The following PLCXD3 variants were observed in gnomAD, a reference collection of about 807,000 sequenced individuals.
The protein encoded by PLCXD3 is phosphatidylinositol specific phospholipase C X domain containing 3, also known as PI-PLC X domain-containing protein 3.
A neutral mutation model predicts 25.5 loss-of-function variants in PLCXD3; 19 were observed. The ratio of observed to expected loss-of-function variants is 0.75; its 90% CI spans 0.52 to 1.09. The LOEUF is 1.09. Among genes scored for constraint, PLCXD3 ranks in the 50% least tolerant of loss-of-function variants. The probability of loss-of-function intolerance (pLI) is 0.00; values close to 1 mark genes in which losing one functional copy is unlikely to be tolerated. For synonymous variants in PLCXD3, 174 were observed against 137.6 expected (o/e 1.26, Z -1.85); for missense variants, 411 against 388.1 (o/e 1.06, Z -0.50).
Position 41,344,853 on chromosome 5 carries a change from A to T in PLCXD3, c.813-31083T>A, listed in dbSNP as rs188340528. Among the ~76,000 whole-genome samples, 41 of 152,262 alleles carry T rather than the reference A, an allele frequency of 2.7e-4. No individual in the cohort carries two copies. In the East Asian group the frequency reaches 7.1e-3, roughly 26 times the overall value. On this transcript the variant is annotated intron_variant, in intron 2 of 2. Transcript: ENST00000377801. ...ACTAATATAAAGAATCATTCATTCA[A>T]TATATATGTATTGCCCACCTACTCT...
Position 41,309,129 on chromosome 5 carries a change from C to G in PLCXD3, c.*4488G>C, listed in dbSNP as rs1395687297. On this transcript the variant is annotated 3_prime_UTR_variant, in exon 3 of 3. Coordinates refer to ENST00000377801, the MANE Select transcript of PLCXD3 (RefSeq NM_001005473.3). ...GATATTATATACTTACACACACATA[C>G]CACATACAAGCACATACTTTTGACT... 6.6e-6 allele frequency: 1 copy of G among 152,468 alleles called. No homozygotes were observed. The highest frequency in any genetic ancestry group is 1.5e-5 in the Non-Finnish European group (1 of 67,988). 9.4% of individuals were successfully genotyped at this position (152,468 alleles called of 1,614,324 possible).
intron 1 of PLCXD3, chr5:41,456,569 T>C (rs1747758274): frequency 6.3e-6 from 6 of 947,358 alleles, no homozygotes; most frequent in Non-Finnish European, 7.5e-6. Context: ...TGCTGGAAAG[T>C]AGATGTTTGT....
At chr5:41,466,638 T>A (rs955146912) in intron 1 of PLCXD3, among the ~76,000 whole-genome samples, 1 of 152,086 alleles carries the variant, frequency 6.6e-6, no homozygotes, top group Non-Finnish European at 1.5e-5. Context: ...TCTCAAAATC[T>A]ATTTTTCTTG....
At chr5:41,506,226 A>C (rs2111595904) in intron 1 of PLCXD3, among the ~76,000 whole-genome samples, 1 of 152,232 alleles carries the variant, frequency 6.6e-6, no homozygotes, top group East Asian at 1.9e-4. Context: ...TGTGCATAGG[A>C]AGACACTTTG....
intron 1 of PLCXD3, among the ~76,000 whole-genome samples, chr5:41,438,980 T>C (rs1453769101): frequency 6.6e-6 from 1 of 152,210 alleles, no homozygotes; most frequent in Admixed American, 6.5e-5. Context: ...TCAAGACCTG[T>C]TGTTTGTTTT....
intron 1 of PLCXD3, among the ~76,000 whole-genome samples, chr5:41,420,366 T>C (rs970425837): frequency 2.0e-5 from 3 of 152,238 alleles, no homozygotes; most frequent in Non-Finnish European, 4.4e-5. Flanking sequence ...ACAGTTATTA[T>C]AGAAATCCTA....
rs1747975206 is a variant in PLCXD3, at chr5:41,464,832, CAT to C, written c.103+45590_103+45591del. Among the ~76,000 whole-genome samples the C allele has an allele frequency of 2.6e-5, 4 of 152,038 alleles. No homozygotes were observed. In the South Asian group the frequency reaches 8.3e-4, roughly 32 times the overall value. On this transcript the variant is annotated intron_variant, in intron 1 of 2. Coordinates refer to ENST00000377801, the MANE Select transcript of PLCXD3 (RefSeq NM_001005473.3). Reference sequence around the variant, plus strand: ...AATCTATCTTCCAAATCTCCTCTTTCATAGTTTTCATTTCTATATCTTTGTGT... The same window carrying C: ...AATCTATCTTCCAAATCTCCTCTTTCAGTTTTCATTTCTATATCTTTGTGT...
intron 1 of PLCXD3, among the ~76,000 whole-genome samples, chr5:41,437,676 AAG>A (rs1457777739): frequency 6.6e-6 from 1 of 152,206 alleles, no homozygotes; most frequent in Non-Finnish European, 1.5e-5. Context: ...GAGTTTGAAG[AAG>A]AGTCGTAGGT....
chr5:41,411,205 C>T (rs1433942567), intron 1 of PLCXD3, among the ~76,000 whole-genome samples: 2 of 152,124 alleles, frequency 1.3e-5, no homozygotes, highest in Non-Finnish European at 2.9e-5. Context: ...GCCTATTTAC[C>T]TTTGTTCTTG....
At chr5:41,422,920 G>A (rs1481690695) in intron 1 of PLCXD3, among the ~76,000 whole-genome samples, 1 of 152,020 alleles carries the variant, frequency 6.6e-6, no homozygotes, top group African/African-American at 2.4e-5. Context: ...TTGTGAAATA[G>A]AATACTAGGT....
intron 1 of PLCXD3, among the ~76,000 whole-genome samples, chr5:41,410,075 C>T (rs1561264982): frequency 6.6e-6 from 1 of 151,894 alleles, no homozygotes; most frequent in African/African-American, 2.4e-5. Flanking sequence ...AAAGAAAATA[C>T]TGCCACAGCC....
chr5:41,341,815 G>A (rs992681277), intron 2 of PLCXD3, among the ~76,000 whole-genome samples: 1 of 152,132 alleles, frequency 6.6e-6, no homozygotes, highest in Non-Finnish European at 1.5e-5. Context: ...TTGTCATCTA[G>A]TTATTGTGTA....
chr5:41,412,496 T>C (rs764133409), intron 1 of PLCXD3, among the ~76,000 whole-genome samples: 8 of 152,214 alleles, frequency 5.3e-5, no homozygotes, highest in Non-Finnish European at 7.3e-5. Flanking sequence ...CTGTCTTTTC[T>C]CAGAGTTGTG....
chr5:41,454,527 C>A (rs1747709147), intron 1 of PLCXD3, among the ~76,000 whole-genome samples: 1 of 151,932 alleles, frequency 6.6e-6, no homozygotes, highest in South Asian at 2.1e-4. Context: ...TAATTACCTT[C>A]CAAAGGCCCC....
At chr5:41,407,385 G>A (rs937214089) in intron 1 of PLCXD3, among the ~76,000 whole-genome samples, 4 of 151,630 alleles carry the variant, frequency 2.6e-5, no homozygotes, top group Admixed American at 6.6e-5. Context: ...AACATGACAA[G>A]AAAAAAAAAT....
chr5:41,330,078 A>G (rs945543886), intron 2 of PLCXD3, among the ~76,000 whole-genome samples: 1 of 152,078 alleles, frequency 6.6e-6, no homozygotes, highest in Non-Finnish European at 1.5e-5. Context: ...TTAATTTTCA[A>G]TGAAGTGTAT....
Position 41,367,263 on chromosome 5 carries a change from A to G in PLCXD3, c.812+14563T>C, listed in dbSNP as rs533167621. Among the ~76,000 whole-genome samples the G allele has an allele frequency of 2.3e-3, 351 of 152,328 alleles. 1 individual carries two copies. Among genetic ancestry groups the G allele is most frequent in the Non-Finnish European group, 2.9e-3 (200 of 68,022 alleles). On this transcript the variant is annotated intron_variant, in intron 2 of 2. Coordinates refer to ENST00000377801, the MANE Select transcript of PLCXD3 (RefSeq NM_001005473.3). ...TAATTTACATTCCCACCAACAGTGT[A>G]AAGGTGTTCCTATTTCTCCACAGCC...
chr5:41,473,497 TTCTC>T (rs1045764415), intron 1 of PLCXD3, among the ~76,000 whole-genome samples: 8 of 151,960 alleles, frequency 5.3e-5, no homozygotes, highest in African/African-American at 1.2e-4. Flanking sequence ...AGACGAGTCT[TTCTC>T]TGTTGCCCAG....
chr5:41,485,831 A>G (rs536067460), intron 1 of PLCXD3, among the ~76,000 whole-genome samples: 3 of 152,320 alleles, frequency 2.0e-5, no homozygotes, highest in South Asian at 4.1e-4. Flanking sequence ...CTCACAAACC[A>G]TAGTTAAGTC....
Sources: gnomAD v4.1 joint callset for allele counts (sites outside exome capture counted in the v4.1 genomes callset) on GRCh38, gnomAD v4.1.1 for gene constraint, MANE v1.5 for transcripts, NCBI Gene and HGNC (gene_info 2026-07-23, HGNC 2026-07-21) for gene names.